C12orf42: variants seen among roughly 807,000 people sequenced by gnomAD.
C12orf42 encodes the protein chromosome 12 open reading frame 42, also known as uncharacterized protein C12orf42.
A neutral mutation model predicts 21.6 loss-of-function variants in C12orf42; 25 were observed. The observed-to-expected ratio is 1.16, with a 90% CI of 0.84 to 1.62. C12orf42 has a LOEUF of 1.62. C12orf42 is among the 40% of genes most tolerant of loss of function. The pLI, the probability that C12orf42 is intolerant of heterozygous loss-of-function variation, is 0.00. For synonymous variants in C12orf42, 174 were observed against 175.0 expected (o/e 0.99, Z 0.05); for missense variants, 483 against 459.3 (o/e 1.05, Z -0.47).
At chr12:103,419,645 C>A (rs2049688719) in intron 2 of C12orf42, among the ~76,000 whole-genome samples, 1 of 152,180 alleles carries the variant, frequency 6.6e-6, no homozygotes, top group Admixed American at 6.5e-5. Context: ...CTCTGCTCAG[C>A]ACACTTGCCA....
intron 4 of C12orf42, among the ~76,000 whole-genome samples, chr12:103,282,656 A>G (rs1306737468): frequency 6.6e-6 from 1 of 152,218 alleles, no homozygotes; most frequent in Non-Finnish European, 1.5e-5. Flanking sequence ...TAAGCAATAC[A>G]TGGCTATATG....
chr12:103,233,372 AT>A (rs2033366105), downstream of C12orf42, among the ~76,000 whole-genome samples: 1 of 152,150 alleles, frequency 6.6e-6, no homozygotes, highest in Admixed American at 6.5e-5. Flanking sequence ...ATCTTTGAGG[AT>A]TTTGATTGGG....
the C12orf42 span, among the ~76,000 whole-genome samples, chr12:103,194,703 C>A: frequency 5.3e-5 from 8 of 152,056 alleles, no homozygotes; most frequent in African/African-American, 1.9e-4. Flanking sequence ...CCCATGTCCA[C>A]GAATTGGAAG....
At chr12:103,316,705 T>A (rs2039534673) in intron 4 of C12orf42, among the ~76,000 whole-genome samples, 1 of 152,112 alleles carries the variant, frequency 6.6e-6, no homozygotes, top group South Asian at 2.1e-4. Context: ...TGTTCACAAG[T>A]TTAATGTTCA....
At chr12:103,060,599 A>C in the C12orf42 span, among the ~76,000 whole-genome samples, 6 of 152,328 alleles carry the variant, frequency 3.9e-5, no homozygotes, top group South Asian at 1.2e-3. Flanking sequence ...CAGTAACCAA[A>C]ACAGCATGGT....
chr12:103,509,236 T>TA, the C12orf42 span, among the ~76,000 whole-genome samples: 1 of 152,190 alleles, frequency 6.6e-6, no homozygotes, highest in Non-Finnish European at 1.5e-5. Context: ...AACCTAACCT[T>TA]ATGCTTCAAT....
Position 103,376,434 on chromosome 12 carries a change from A to T in C12orf42, c.148-7436T>A, listed in dbSNP as rs180810463. On this transcript the variant is annotated intron_variant, in intron 3 of 5. Coordinates refer to ENST00000548883, the MANE Select transcript of C12orf42 (RefSeq NM_198521.5). ...GGTGGGGGGCAAGGGGAAAGAGAGC[A>T]TTAGGACAAATACCTAACGCACACG... 1.5e-4 allele frequency among the ~76,000 whole-genome samples: 23 copies of T among 152,276 alleles called. No homozygotes were observed. In the East Asian group the frequency reaches 2.3e-3, roughly 15 times the overall value.
At chr12:103,063,170 G>A in the C12orf42 span, among the ~76,000 whole-genome samples, 3 of 152,178 alleles carry the variant, frequency 2.0e-5, no homozygotes, top group Non-Finnish European at 4.4e-5. Context: ...TTGACAAAGT[G>A]ACGAAAGAAA....
chr12:103,407,470 T>C (rs1416607947), intron 2 of C12orf42, among the ~76,000 whole-genome samples: 1 of 152,162 alleles, frequency 6.6e-6, no homozygotes, highest in Non-Finnish European at 1.5e-5. Flanking sequence ...GATGAAGACT[T>C]TCATGATGGT....
At chr12:103,471,302 T>C (rs1953584009) in intron 2 of C12orf42, among the ~76,000 whole-genome samples, 1 of 152,214 alleles carries the variant, frequency 6.6e-6, no homozygotes, top group South Asian at 2.1e-4. Flanking sequence ...AAATGGATTT[T>C]CCTGTTGGCA....
chr12:103,243,760 A>T (rs2033873240), intron 10 of C12orf42, among the ~76,000 whole-genome samples: 1 of 152,154 alleles, frequency 6.6e-6, no homozygotes, highest in African/African-American at 2.4e-5. Flanking sequence ...TCAGCTGTAG[A>T]GGACAAAGTC....
At chr12:103,291,090 T>C (rs1373344708) in intron 4 of C12orf42, among the ~76,000 whole-genome samples, 1 of 152,128 alleles carries the variant, frequency 6.6e-6, no homozygotes, top group Non-Finnish European at 1.5e-5. Flanking sequence ...TTAGAGGTGG[T>C]TGGGTATATT....
chr12:103,561,709 A>C, the C12orf42 span, among the ~76,000 whole-genome samples: 1 of 152,070 alleles, frequency 6.6e-6, no homozygotes, highest in Non-Finnish European at 1.5e-5. Flanking sequence ...AAAGAACTGC[A>C]CCCTTACCCT....
At chr12:103,482,575 T>C (rs564243785) in intron 1 of C12orf42, among the ~76,000 whole-genome samples, 2 of 152,264 alleles carry the variant, frequency 1.3e-5, no homozygotes, top group South Asian at 2.1e-4. Context: ...TTCATGAATC[T>C]AGATGTGAAT....
intron 4 of C12orf42, among the ~76,000 whole-genome samples, chr12:103,307,524 T>C (rs990883968): frequency 6.6e-6 from 1 of 152,106 alleles, no homozygotes; most frequent in Non-Finnish European, 1.5e-5. Flanking sequence ...AAGTCCCCAA[T>C]TGTCAAAGAT....
chr12:103,284,157 C>T (rs966726727), intron 4 of C12orf42, among the ~76,000 whole-genome samples: 7 of 152,112 alleles, frequency 4.6e-5, no homozygotes, highest in Admixed American at 2.0e-4. Flanking sequence ...TTACATAAGA[C>T]GGCAAGGGCT....
the C12orf42 span, among the ~76,000 whole-genome samples, chr12:103,056,673 GT>G: frequency 2.8e-4 from 42 of 152,012 alleles, no homozygotes; most frequent in Non-Finnish European, 6.0e-4. Context: ...CTGATTGAGT[GT>G]TTTTTATTGT....
intron 2 of C12orf42, among the ~76,000 whole-genome samples, chr12:103,447,142 T>C (rs1161488046): frequency 6.6e-6 from 1 of 151,560 alleles, no homozygotes; most frequent in Non-Finnish European, 1.5e-5. Flanking sequence ...TTTAAGAAAA[T>C]CAAAATTATA....
At chr12:103,323,684 A>AGAT (rs1258262437) in intron 4 of C12orf42, among the ~76,000 whole-genome samples, 1 of 152,248 alleles carries the variant, frequency 6.6e-6, no homozygotes, top group East Asian at 1.9e-4. Context: ...ATGTAAAAGT[A>AGAT]GATTCATTAC....
Sources: allele counts gnomAD v4.1 joint callset (sites outside exome capture counted in the v4.1 genomes callset), GRCh38; gene constraint gnomAD v4.1.1; transcripts MANE v1.5; gene names NCBI Gene and HGNC (gene_info 2026-07-23, HGNC 2026-07-21).